Variants in MGMT observed in about 807,000 individuals in gnomAD.
MGMT encodes O-6-methylguanine-DNA methyltransferase, also known as methylated-DNA--protein-cysteine methyltransferase.
A neutral mutation model predicts 15.9 loss-of-function variants in MGMT; 14 were observed. The ratio of observed to expected loss-of-function variants is 0.88; its 90% CI spans 0.58 to 1.37. The LOEUF (loss-of-function observed/expected upper bound fraction) is 1.37. MGMT is among the 40% of genes most tolerant of loss of function. MGMT has a pLI of 0.00. For missense variants in MGMT, 282 were observed against 268.1 expected (o/e 1.05, Z -0.36); for synonymous variants, 130 against 118.2 (o/e 1.10, Z -0.65).
chr10:129,655,011 G>A (rs1364143082), intron 2 of MGMT, among the ~76,000 whole-genome samples: 1 of 152,196 alleles, frequency 6.6e-6, no homozygotes, highest in Non-Finnish European at 1.5e-5. Context: ...GCAGCAGTGG[G>A]AGGAAACCAT....
chr10:129,634,361 T>C (rs1019526650), intron 2 of MGMT, among the ~76,000 whole-genome samples: 15 of 152,096 alleles, frequency 9.9e-5, no homozygotes, highest in Middle Eastern at 3.2e-3. Context: ...ACTGTCCATC[T>C]TGTATCTGTG....
intron 4 of MGMT, 57 bp from the exon 5 acceptor site, chr10:129,766,731 C>T (rs1387240385): frequency 5.9e-6 from 9 of 1,512,766 alleles, no homozygotes; most frequent in Admixed American, 1.9e-5. Flanking sequence ...GGCCTTGACC[C>T]CAAAGACCTC....
chr10:129,572,015 G>T (rs1017031350), intron 2 of MGMT, among the ~76,000 whole-genome samples: 1 of 152,166 alleles, frequency 6.6e-6, no homozygotes, highest in African/African-American at 2.4e-5. Flanking sequence ...GCATGTGAAC[G>T]TAACTGACCC....
At chr10:129,480,532 G>C (rs996825570) in intron 1 of MGMT, among the ~76,000 whole-genome samples, 2 of 152,094 alleles carry the variant, frequency 1.3e-5, no homozygotes, top group Non-Finnish European at 2.9e-5. Flanking sequence ...AAGTCATTTA[G>C]TATTGGGAAG....
chr10:129,730,834 T>A (rs1000161203), intron 3 of MGMT, among the ~76,000 whole-genome samples: 1 of 152,266 alleles, frequency 6.6e-6, no homozygotes, highest in African/African-American at 2.4e-5. Context: ...AGGGTGTTAA[T>A]GTATAATTAT....
chr10:129,635,642 T>C (rs1847256951), intron 2 of MGMT, among the ~76,000 whole-genome samples: 1 of 152,266 alleles, frequency 6.6e-6, no homozygotes, highest in Non-Finnish European at 1.5e-5. Context: ...TTTAAAGCTG[T>C]GCTATTATAG....
At chr10:129,598,762 G>A (rs556292764) in intron 2 of MGMT, among the ~76,000 whole-genome samples, 37 of 152,266 alleles carry the variant, frequency 2.4e-4, no homozygotes, top group Non-Finnish European at 4.6e-4. Flanking sequence ...TGCTTGTCTT[G>A]TATATTACAA....
At chr10:129,654,531 C>T (rs1243682271) in intron 2 of MGMT, among the ~76,000 whole-genome samples, 3 of 152,194 alleles carry the variant, frequency 2.0e-5, no homozygotes, top group African/African-American at 7.2e-5. Flanking sequence ...CACTGTGAAC[C>T]TCAGATCGAG....
chr10:129,654,653 C>T (rs4750761), intron 2 of MGMT, among the ~76,000 whole-genome samples: 51,875 of 151,612 alleles, frequency 0.34, 9,561 homozygotes, highest in African/African-American at 0.46. Context: ...GTGGGTAAGT[C>T]CCTGGAGAGA....
chr10:129,673,921 A>G (rs540309028), intron 2 of MGMT, among the ~76,000 whole-genome samples: 2 of 152,234 alleles, frequency 1.3e-5, no homozygotes, highest in Admixed American at 6.5e-5. Context: ...CTAATATTTT[A>G]AAGTATTGAT....
chr10:129,610,022 T>G (rs1404963451), intron 2 of MGMT, among the ~76,000 whole-genome samples: 2 of 152,224 alleles, frequency 1.3e-5, no homozygotes, highest in African/African-American at 2.4e-5. Context: ...AGGCAGACAC[T>G]GAGAGTTTTT....
At chr10:129,716,797 T>G (rs966672854) in intron 3 of MGMT, among the ~76,000 whole-genome samples, 2 of 152,216 alleles carry the variant, frequency 1.3e-5, no homozygotes, top group African/African-American at 4.8e-5. Flanking sequence ...CAAATCTAGC[T>G]GAATGTGATG....
chr10:129,472,491 C>T (rs1350289768), intron 1 of MGMT, among the ~76,000 whole-genome samples: 2 of 152,148 alleles, frequency 1.3e-5, no homozygotes, highest in Non-Finnish European at 1.5e-5. Context: ...CCAGTCCAAT[C>T]CGAATCTGTA....
intron 2 of MGMT, among the ~76,000 whole-genome samples, chr10:129,574,216 A>T (rs1053922024): frequency 9.2e-5 from 14 of 152,194 alleles, no homozygotes; most frequent in Non-Finnish European, 1.8e-4. Context: ...TGGGGAAAAA[A>T]CTATCACTTT....
chr10:129,709,050 C>T (rs1848200739), intron 3 of MGMT, among the ~76,000 whole-genome samples: 1 of 152,244 alleles, frequency 6.6e-6, no homozygotes, highest in South Asian at 2.1e-4. Context: ...ACGTTTTGTG[C>T]ATAATGAACT....
At chr10:129,580,962 C>T (rs1415624998) in intron 2 of MGMT, among the ~76,000 whole-genome samples, 2 of 152,236 alleles carry the variant, frequency 1.3e-5, no homozygotes, top group African/African-American at 4.8e-5. Flanking sequence ...TGTCTGGTCC[C>T]ACTGACATGG....
rs144161195 is a variant in MGMT at position 129,689,974 on chromosome 10, C to T, written c.126-17921C>T. ...AAATTGAGTCCTTGTGTGCCAAAGT[C>T]GTAAACTCATTCAGATAGGCCCTAG... On this transcript the variant is annotated intron_variant, in intron 2 of 4. Coordinates refer to ENST00000651593, the MANE Select transcript of MGMT (RefSeq NM_002412.5). 1.3e-4 allele frequency among the ~76,000 whole-genome samples: 20 copies of T among 152,318 alleles called. No individual in the cohort carries two copies. In the East Asian group the frequency reaches 2.7e-3, roughly 21 times the overall value.
At chr10:129,713,824 G>A (rs562098255) in intron 3 of MGMT, among the ~76,000 whole-genome samples, 48 of 152,216 alleles carry the variant, frequency 3.2e-4, no homozygotes, top group African/African-American at 9.9e-4. Context: ...CCAGATCCCC[G>A]CCAATGTCCT....
At chr10:129,722,743 C>T (rs559750461) in intron 3 of MGMT, among the ~76,000 whole-genome samples, 3 of 152,084 alleles carry the variant, frequency 2.0e-5, no homozygotes, top group Admixed American at 6.5e-5. Context: ...TGGTGGCTTA[C>T]GCCTGTAACC....
Sources: gnomAD v4.1 joint callset for allele counts (sites outside exome capture counted in the v4.1 genomes callset) on GRCh38, gnomAD v4.1.1 for gene constraint, MANE v1.5 for transcripts, NCBI Gene and HGNC (gene_info 2026-07-23, HGNC 2026-07-21) for gene names.